MAN2A1: variants seen among roughly 807,000 people sequenced by gnomAD.
MAN2A1 encodes the protein mannosidase alpha class 2A member 1.
MAN2A1 carries 76 observed loss-of-function variants against 142.6 expected under a neutral mutation model. That is an observed-to-expected ratio of 0.53 (90% CI 0.44 to 0.65). MAN2A1 has a LOEUF of 0.65. Ranked by LOEUF, MAN2A1 falls within the 30% of genes least tolerant of loss-of-function variation. The pLI, the probability that MAN2A1 is intolerant of heterozygous loss-of-function variation, is 0.00. For synonymous variants in MAN2A1, 559 were observed against 473.2 expected (o/e 1.18, Z -2.35); for missense variants, 1,311 against 1,365.1 (o/e 0.96, Z 0.62).
chr5:109,706,029 C>T (rs569223294), intron 1 of MAN2A1, among the ~76,000 whole-genome samples: 17 of 152,314 alleles, frequency 1.1e-4, no homozygotes, highest in Middle Eastern at 3.4e-3. Flanking sequence ...AAGGTATTCA[C>T]AGATTTCAGG....
chr5:109,827,152 G>C (rs527361957), intron 16 of MAN2A1, among the ~76,000 whole-genome samples: 2 of 152,136 alleles, frequency 1.3e-5, no homozygotes, highest in African/African-American at 4.8e-5. Flanking sequence ...AAGAAATGAG[G>C]GTTTGGGGAG....
intron 8 of MAN2A1, among the ~76,000 whole-genome samples, chr5:109,775,740 G>A (rs971440256): frequency 6.6e-6 from 1 of 151,930 alleles, no homozygotes; most frequent in South Asian, 2.1e-4. Context: ...AAAATATAAC[G>A]ATAATACCAT....
chr5:109,710,528 G>A (rs1237630334), intron 1 of MAN2A1, among the ~76,000 whole-genome samples: 5 of 150,752 alleles, frequency 3.3e-5, no homozygotes, highest in South Asian at 2.1e-4. Flanking sequence ...TTTTTGAGAC[G>A]GAGTCTCGCT....
chr5:109,761,262 C>G (rs888498575), intron 5 of MAN2A1, among the ~76,000 whole-genome samples: 2 of 151,630 alleles, frequency 1.3e-5, no homozygotes, highest in Non-Finnish European at 1.5e-5. Flanking sequence ...GATAACATCT[C>G]TTATAGTAAT....
intron 6 of MAN2A1, among the ~76,000 whole-genome samples, chr5:109,769,645 C>A (rs1753087801): frequency 6.6e-6 from 1 of 152,208 alleles, no homozygotes; most frequent in Admixed American, 6.5e-5. Flanking sequence ...AGTAATTCTG[C>A]ATCAGGAATC....
chr5:109,850,582 T>C (rs935167689), intron 19 of MAN2A1, among the ~76,000 whole-genome samples: 1 of 152,206 alleles, frequency 6.6e-6, no homozygotes, highest in Admixed American at 6.5e-5. Context: ...TAAATCTGCA[T>C]AGGAAAATCA....
chr5:109,786,321 C>G lies in MAN2A1; in HGVS notation c.1760+1395C>G, dbSNP rs148637133. Among the ~76,000 whole-genome samples, 188 of 152,048 alleles carry G rather than the reference C, an allele frequency of 1.2e-3. 1 individual carries two copies. Among genetic ancestry groups the G allele is most frequent in the African/African-American group, 4.4e-3 (183 of 41,500 alleles). ...AAAAGTGAGACTGCTTAGAATCAGA[C>G]CAGGGTAGAGCTCCTAAGAGGACAT... On this transcript the variant is annotated intron_variant, in intron 10 of 21. Transcript: ENST00000261483.
In MAN2A1 at chr5:109,867,147, A is replaced by C; in HGVS notation, c.*149A>C. The C allele has an allele frequency of 7.0e-6, 2 of 283,738 alleles. No individual in the cohort carries two copies. Among genetic ancestry groups the C allele is most frequent in the Non-Finnish European group, 6.4e-6 (1 of 155,852 alleles). The allele number at this position is 283,738 out of a possible 1,614,324, so 17.6% of individuals were successfully genotyped here. On this transcript the variant is annotated 3_prime_UTR_variant, in exon 22 of 22. Coordinates refer to ENST00000261483, the MANE Select transcript of MAN2A1 (RefSeq NM_002372.4). ...TGGGTTTTTTCTTTTTTCTTTTACC[A>C]GTACAGTAAGAAAAAAAAAAAAAAA...
intron 13 of MAN2A1, among the ~76,000 whole-genome samples, chr5:109,818,134 T>TTTATTA (rs913081479): frequency 2.0e-5 from 3 of 151,764 alleles, no homozygotes; most frequent in African/African-American, 7.3e-5. Context: ...GCTAGCTACT[T>TTTATTA]TTATTATTAT....
chr5:109,849,126 A>C (rs1043232874), intron 19 of MAN2A1, among the ~76,000 whole-genome samples: 3 of 152,144 alleles, frequency 2.0e-5, no homozygotes, highest in East Asian at 3.9e-4. Flanking sequence ...GCAGTTCTTT[A>C]TCTCTCTAAT....
At chr5:109,755,173 G>A (rs576950446) in intron 4 of MAN2A1, among the ~76,000 whole-genome samples, 156 bp from the exon 5 acceptor site, 5 of 152,306 alleles carry the variant, frequency 3.3e-5, no homozygotes, top group Admixed American at 3.3e-4. Context: ...AGGTCTTGAA[G>A]TTGAAATTCA....
chr5:109,758,177 C>A (rs926372764), intron 5 of MAN2A1, among the ~76,000 whole-genome samples: 14 of 152,048 alleles, frequency 9.2e-5, no homozygotes, highest in African/African-American at 3.4e-4. Context: ...GTATCTTCAC[C>A]AACATTTGTT....
At chr5:109,707,056 CTT>C (rs1303676849) in intron 1 of MAN2A1, among the ~76,000 whole-genome samples, 2 of 152,114 alleles carry the variant, frequency 1.3e-5, no homozygotes, top group Non-Finnish European at 2.9e-5. Flanking sequence ...AAATGGAAAA[CTT>C]TTGATTGGAC....
At chr5:109,832,525 A>G (rs112299521) in intron 16 of MAN2A1, among the ~76,000 whole-genome samples, 12,853 of 152,240 alleles carry the variant, frequency 0.084, 639 homozygotes, top group African/African-American at 0.15. Context: ...CCAAGGCAGA[A>G]GAATTTTTCT....
chr5:109,866,805 A>G (rs1426390796), intron 21 of MAN2A1, 41 bp from the exon 22 acceptor site: 4 of 1,366,386 alleles, frequency 2.9e-6, no homozygotes, highest in Non-Finnish European at 1.0e-6. Context: ...CTAATCTTCA[A>G]AGTTGATCTA....
At chr5:109,762,462 A>G (rs1410080565) in intron 5 of MAN2A1, among the ~76,000 whole-genome samples, 1 of 152,052 alleles carries the variant, frequency 6.6e-6, no homozygotes, top group Non-Finnish European at 1.5e-5. Flanking sequence ...TTCTTTTTCT[A>G]CAACGTGAAG....
At chr5:109,706,443 G>A (rs1306751011) in intron 1 of MAN2A1, among the ~76,000 whole-genome samples, 1 of 152,216 alleles carries the variant, frequency 6.6e-6, no homozygotes, top group Non-Finnish European at 1.5e-5. Context: ...TTCACAGCCA[G>A]TCCAAGCAAT....
rs144370252 is a variant in MAN2A1 at position 109,780,936 on chromosome 5, T to C, written c.1375-460T>C. 2.4e-3 allele frequency among the ~76,000 whole-genome samples: 372 copies of C among 152,298 alleles called. 1 individual carries two copies. Among genetic ancestry groups the C allele is most frequent in the African/African-American group, 8.1e-3 (336 of 41,570 alleles). Reference sequence around the variant, plus strand: ...AACGGAGATAGAGGAGGGTATGATATATGAAATACCTTATGGCTAACAGAA... The same window carrying C: ...AACGGAGATAGAGGAGGGTATGATACATGAAATACCTTATGGCTAACAGAA... On this transcript the variant is annotated intron_variant, in intron 8 of 21. Transcript: ENST00000261483.
intron 4 of MAN2A1, among the ~76,000 whole-genome samples, chr5:109,732,061 G>A (rs1751929829): frequency 1.3e-5 from 2 of 151,968 alleles, no homozygotes; most frequent in African/African-American, 4.8e-5. Flanking sequence ...ATTCTAACTG[G>A]AGTGAGATGG....
Sources: gnomAD v4.1 joint callset for allele counts (sites outside exome capture counted in the v4.1 genomes callset) on GRCh38, gnomAD v4.1.1 for gene constraint, MANE v1.5 for transcripts, NCBI Gene and HGNC (gene_info 2026-07-23, HGNC 2026-07-21) for gene names.